The following KCNN2 variants were observed in gnomAD, a reference collection of about 807,000 sequenced individuals.
The protein encoded by KCNN2 is small conductance calcium-activated potassium channel protein 2.
KCNN2 carries 24 observed loss-of-function variants against 55.5 expected under a neutral mutation model. The ratio of observed to expected loss-of-function variants is 0.43; its 90% CI spans 0.31 to 0.61. The LOEUF (loss-of-function observed/expected upper bound fraction) is 0.61. KCNN2 is among the 20% of genes least tolerant of loss of function. The pLI is 0.08. For missense variants in KCNN2, 754 were observed against 853.6 expected (o/e 0.88, Z 1.45); for synonymous variants, 431 against 336.1 (o/e 1.28, Z -3.09).
At chr5:114,465,786 C>T (rs1761418446) in intron 4 of KCNN2, among the ~76,000 whole-genome samples, 2 of 152,162 alleles carry the variant, frequency 1.3e-5, no homozygotes, top group Admixed American at 1.3e-4. Flanking sequence ...AAGGATCAGA[C>T]TTATTTCCTA....
intron 2 of KCNN2, among the ~76,000 whole-genome samples, chr5:114,255,293 A>G (rs1235223704): frequency 6.6e-6 from 1 of 152,240 alleles, no homozygotes; most frequent in Admixed American, 6.5e-5. Flanking sequence ...TACAAGATAC[A>G]GTGGCAACAA....
intron 1 of KCNN2, among the ~76,000 whole-genome samples, chr5:114,063,011 T>A (rs1750363708): frequency 6.6e-6 from 1 of 152,222 alleles, no homozygotes; most frequent in Admixed American, 6.5e-5. Context: ...TAAAGCTTGA[T>A]TTTCTGCTTA....
At chr5:114,467,974 A>G (rs116299024) in intron 4 of KCNN2, among the ~76,000 whole-genome samples, 2,471 of 152,302 alleles carry the variant, frequency 0.016, 24 homozygotes, top group Middle Eastern at 0.024. Context: ...CCCTAAAAGT[A>G]GAAGAATGAC....
chr5:114,243,114 A>G (rs775121106), intron 2 of KCNN2, among the ~76,000 whole-genome samples: 50 of 152,336 alleles, frequency 3.3e-4, no homozygotes, highest in Non-Finnish European at 5.4e-4. Flanking sequence ...GTTACATAGT[A>G]TATTTTATAC....
At chr5:114,334,777 C>T (rs1021577) in intron 2 of KCNN2, among the ~76,000 whole-genome samples, 17,404 of 152,122 alleles carry the variant, frequency 0.11, 1,246 homozygotes, top group South Asian at 0.21. Flanking sequence ...TAAACTATCC[C>T]ATGAGTAAAA....
intron 1 of KCNN2, among the ~76,000 whole-genome samples, chr5:114,066,073 G>T (rs528512331): frequency 9.2e-5 from 14 of 152,086 alleles, no homozygotes; most frequent in African/African-American, 3.1e-4. Context: ...AAGATTTCCT[G>T]TTCAGAGCTT....
chr5:114,293,209 C>T (rs1755933783), intron 2 of KCNN2, among the ~76,000 whole-genome samples: 2 of 152,268 alleles, frequency 1.3e-5, no homozygotes, highest in Non-Finnish European at 2.9e-5. Context: ...ACTGCCCTGG[C>T]CAGCACTTTC....
intron 6 of KCNN2, chr5:114,490,605 ACAC>A (rs1747799226): frequency 2.5e-6 from 1 of 397,360 alleles, no homozygotes; most frequent in Non-Finnish European, 4.4e-6. Context: ...GCACAACTGA[ACAC>A]CACATTGTGT....
At chr5:114,202,583 A>ATTT (rs201896679) in intron 1 of KCNN2, among the ~76,000 whole-genome samples, 1,494 of 55,212 alleles carry the variant, frequency 0.027, 43 homozygotes, top group African/African-American at 0.064. Context: ...ATATATATAT[A>ATTT]TATTTTTTTT....
chr5:114,404,617 G>A lies in KCNN2; in HGVS notation c.1398G>A (p.Val466=). 6.2e-7 allele frequency: 1 copy of A among 1,613,862 alleles called. No individual in the cohort carries two copies. Among genetic ancestry groups the A allele is most frequent in the South Asian group, 1.1e-5 (1 of 91,076 alleles). The part of the protein sequence containing the change: ...SYAPSTTTAD[V]DIILSIPMFL... The stretch of plus-strand genomic sequence containing the variant: ...CCCCATCCACAACCACCGCTGATGT[G>A]GATATTATTTTATCTATACCAATGT... Residue 466 remains valine, a synonymous_variant, in exon 3 of 8, where the codon GTG becomes GTA. Coordinates refer to ENST00000673685, the MANE Select transcript of KCNN2 (RefSeq NM_021614.4).
chr5:114,263,196 C>G (rs1580671642), intron 2 of KCNN2, among the ~76,000 whole-genome samples: 1 of 152,118 alleles, frequency 6.6e-6, no homozygotes, highest in East Asian at 1.9e-4. Context: ...TGATTGAAAA[C>G]AAGCAGTTTA....
At chr5:114,152,022 A>G (rs553858018) in intron 1 of KCNN2, among the ~76,000 whole-genome samples, 16 of 152,128 alleles carry the variant, frequency 1.1e-4, no homozygotes, top group Non-Finnish European at 1.2e-4. Flanking sequence ...GCTAATACCT[A>G]TTTTTCAGTT....
intron 3 of KCNN2, among the ~76,000 whole-genome samples, chr5:114,444,026 A>G (rs984073004): frequency 3.3e-5 from 5 of 152,240 alleles, no homozygotes; most frequent in Non-Finnish European, 7.3e-5. Context: ...AGGATGATAT[A>G]GAGAGATAGG....
At chr5:114,181,991 G>A (rs1753249392) in intron 1 of KCNN2, among the ~76,000 whole-genome samples, 1 of 149,602 alleles carries the variant, frequency 6.7e-6, no homozygotes, top group Non-Finnish European at 1.5e-5. Context: ...TTCAGCCTGG[G>A]CAACAGAGGG....
intron 1 of KCNN2, among the ~76,000 whole-genome samples, chr5:114,091,690 T>A (rs1231727188): frequency 1.3e-5 from 2 of 152,170 alleles, no homozygotes; most frequent in African/African-American, 2.4e-5. Context: ...CTTATAATCA[T>A]AGTTGAAGGT....
chr5:114,404,346 A>G (rs750455483), intron 2 of KCNN2, 92 bp from the exon 3 acceptor site: 105 of 1,021,302 alleles, frequency 1.0e-4, no homozygotes, highest in Non-Finnish European at 1.5e-4. Context: ...ATGATTGCTA[A>G]AAGTCATCTG....
intron 1 of KCNN2, among the ~76,000 whole-genome samples, chr5:114,193,517 A>G (rs1753491465): frequency 6.6e-6 from 1 of 152,154 alleles, no homozygotes. Context: ...AGTTAGTGCT[A>G]TTCAGATTCT....
At chr5:114,444,439 A>C (rs1053724196) in intron 3 of KCNN2, among the ~76,000 whole-genome samples, 1 of 152,142 alleles carries the variant, frequency 6.6e-6, no homozygotes, top group African/African-American at 2.4e-5. Context: ...GGTAAGAGCA[A>C]TATATGCCCC....
chr5:114,277,794 G>T (rs1273142233), intron 2 of KCNN2, among the ~76,000 whole-genome samples: 1 of 152,108 alleles, frequency 6.6e-6, no homozygotes, highest in African/African-American at 2.4e-5. Context: ...TGCTCCTTTA[G>T]CTTGGAGAAG....
Sources: allele counts gnomAD v4.1 joint callset (sites outside exome capture counted in the v4.1 genomes callset), GRCh38; gene constraint gnomAD v4.1.1; transcripts MANE v1.5; gene names NCBI Gene and HGNC (gene_info 2026-07-23, HGNC 2026-07-21).